ATP2B1: variants seen among roughly 807,000 people sequenced by gnomAD.
ATP2B1 encodes the protein ATPase plasma membrane Ca2+ transporting 1.
Under a neutral mutation model 124.2 loss-of-function variants are expected in ATP2B1, and 14 were observed. That is an observed-to-expected ratio of 0.11 (90% CI 0.07 to 0.18). The LOEUF (loss-of-function observed/expected upper bound fraction) is 0.18. ATP2B1 is among the 10% of genes least tolerant of loss of function. ATP2B1 has a pLI of 1.00. For synonymous variants in ATP2B1, 449 were observed against 492.4 expected, an observed-to-expected ratio of 0.91 and a Z score of 1.17; for missense variants, 763 against 1,466.1, an observed-to-expected ratio of 0.52 and a Z score of 7.83.
intron 19 of ATP2B1, 69 bp from the exon 20 acceptor site, chr12:89,599,368 C>CCTTTAGTAT: frequency 2.0e-6 from 3 of 1,512,280 alleles, no homozygotes; most frequent in Non-Finnish European, 2.7e-6. Flanking sequence ...AACTGTAATA[C>CCTTTAGTAT]TAAAGGTATT....
In ATP2B1 at chr12:89,603,247, C is replaced by T; in HGVS notation, c.2856G>A (p.Lys952=). 1 of 1,598,238 alleles carries T rather than the reference C, an allele frequency of 6.3e-7. No homozygotes were observed. Among genetic ancestry groups the T allele is most frequent in the Non-Finnish European group, 8.5e-7 (1 of 1,173,330 alleles). ...TTCTTCCACTATCAATGTCAAAAAACTTTTCTCCTGAAAGAATGAAAAATG... is the reference window on the plus strand; with the variant it reads ...TTCTTCCACTATCAATGTCAAAAAATTTTTCTCCTGAAAGAATGAAAAATG... The part of the protein sequence containing the change: ...VVFTLLFAGE[K]FFDIDSGRNA... The change falls in exon 18 of 21, where the codon AAG becomes AAA. Residue 952 remains lysine (K), a synonymous_variant. Transcript: ENST00000428670. The surrounding 1 kb of genome is among the most constrained non-coding windows in gnomAD (Gnocchi z 4.3).
chr12:89,621,935 G>T, intron 9 of ATP2B1, 144 bp from the exon 10 acceptor site: 4 of 849,980 alleles, frequency 4.7e-6, no homozygotes, highest in East Asian at 3.4e-5. Context: ...ATGTAATACT[G>T]AAATTTTTTT....
Position 89,635,970 on chromosome 12 carries a change from GATA to G in ATP2B1, c.407-722_407-720del, listed in dbSNP as rs574252041. 1.6e-4 allele frequency among the ~76,000 whole-genome samples: 24 copies of G among 152,180 alleles called. No individual in the cohort carries two copies. The South Asian group carries it at 5.0e-3, about 32-fold the overall frequency. On this transcript the variant is annotated intron_variant, in intron 3 of 20. Transcript: ENST00000428670. ...CTGGGGACGGTATATGAAGAATTCA[GATA>G]ATAATACACAAATAATTAATTTCAC...
rs1167885492 is a variant in ATP2B1 at position 89,690,079 on chromosome 12, T to C, written c.-222+18517A>G. On this transcript the variant is annotated intron_variant, in intron 1 of 20. Transcript: ENST00000428670. ...TTCTTTGTGGTAAGCTTTTACTGAA[T>C]AGCTAAGATACTCTAAACTCTGTCC... Among the ~76,000 whole-genome samples the C allele has an allele frequency of 4.6e-5, 7 of 152,184 alleles. No homozygotes were observed. In the East Asian group the frequency reaches 1.2e-3, roughly 25 times the overall value.
intron 7 of ATP2B1, among the ~76,000 whole-genome samples, chr12:89,627,186 A>G (rs1881022758): frequency 6.6e-6 from 1 of 152,154 alleles, no homozygotes; most frequent in African/African-American, 2.4e-5. Flanking sequence ...GAGCACTGAC[A>G]TGACACAAGT....
chr12:89,664,543 GAACA>G (rs1366988133), intron 1 of ATP2B1, among the ~76,000 whole-genome samples: 3 of 152,166 alleles, frequency 2.0e-5, no homozygotes, highest in African/African-American at 2.4e-5. Flanking sequence ...ACCAAAACCA[GAACA>G]AACTTAAAAG....
rs1359080429 is a variant in ATP2B1 at position 89,619,987 on chromosome 12, T to G, written c.1829+12A>C. ...AGTCAGCAATTTATTCATCCAAGCA[T>G]TTTACTCTTACTTTTTCAGAATTAT... is the stretch of plus-strand genomic sequence containing the variant. On this transcript the variant is annotated intron_variant, in intron 11 of 20. Transcript: ENST00000428670. 4.3e-6 allele frequency: 7 copies of G among 1,612,494 alleles called. No homozygotes were observed. The African/African-American group carries it at 9.3e-5, about 22-fold the overall frequency.
chr12:89,591,265 A>G lies in ATP2B1; in HGVS notation c.3382T>C (p.Leu1128=). Residue 1128 remains leucine (L), a synonymous_variant, in exon 21 of 21, where the codon TTA becomes CTA. Transcript: ENST00000428670. The stretch of plus-strand genomic sequence containing the variant: ...TCCGGTTTTTCTAACCCTTCATATA[A>G]AGAACTACGAAATGCATTCACCACT... The part of the protein sequence containing the change: ...IRVVNAFRSS[L]YEGLEKPESR... 6.2e-7 allele frequency: 1 copy of G among 1,611,102 alleles called. No individual in the cohort carries two copies. Among genetic ancestry groups the G allele is most frequent in the Non-Finnish European group, 8.5e-7 (1 of 1,178,198 alleles).
intron 1 of ATP2B1, among the ~76,000 whole-genome samples, chr12:89,676,820 C>T (rs542172968): frequency 6.6e-6 from 1 of 152,230 alleles, no homozygotes; most frequent in Admixed American, 6.5e-5. Context: ...ACTTATCCTT[C>T]TAAATTCTCA....
intron 1 of ATP2B1, among the ~76,000 whole-genome samples, chr12:89,677,794 C>T (rs1057214496): frequency 4.0e-5 from 6 of 151,578 alleles, no homozygotes; most frequent in African/African-American, 1.2e-4. Flanking sequence ...TATGTTCATC[C>T]TTTTCACTCT....
intron 2 of ATP2B1, among the ~76,000 whole-genome samples, chr12:89,649,638 T>C (rs1189465067): frequency 6.6e-6 from 1 of 152,186 alleles, no homozygotes; most frequent in Non-Finnish European, 1.5e-5. Flanking sequence ...AGTTAAAACT[T>C]TGGGACACTG....
chr12:89,658,869 A>C (rs962676894), intron 1 of ATP2B1, among the ~76,000 whole-genome samples: 5 of 152,216 alleles, frequency 3.3e-5, no homozygotes, highest in Admixed American at 3.3e-4. Flanking sequence ...AAGAAAAGGA[A>C]GCCCAGACAA....
chr12:89,658,360 A>G (rs538541373), intron 1 of ATP2B1, among the ~76,000 whole-genome samples: 4 of 152,266 alleles, frequency 2.6e-5, no homozygotes, highest in Admixed American at 1.3e-4. Context: ...GGGGAGCCAG[A>G]TAACTGGAGG....
intron 15 of ATP2B1, among the ~76,000 whole-genome samples, chr12:89,606,762 G>A (rs1876975853): frequency 6.6e-6 from 1 of 151,842 alleles, no homozygotes; most frequent in Non-Finnish European, 1.5e-5. Flanking sequence ...GTAGAGACAG[G>A]ATTTTAATAT....
chr12:89,643,083 C>T (rs1183395573), intron 2 of ATP2B1, among the ~76,000 whole-genome samples: 1 of 151,072 alleles, frequency 6.6e-6, no homozygotes, highest in Non-Finnish European at 1.5e-5. Flanking sequence ...CACACACACA[C>T]ACACACACAT....
intron 6 of ATP2B1, among the ~76,000 whole-genome samples, chr12:89,629,442 G>C (rs1399012246): frequency 6.6e-6 from 1 of 152,134 alleles, no homozygotes; most frequent in African/African-American, 2.4e-5. Flanking sequence ...GAAACGTATG[G>C]AAGCACATTG....
At chr12:89,699,821 G>A (rs1891611776) in intron 1 of ATP2B1, among the ~76,000 whole-genome samples, 1 of 152,060 alleles carries the variant, frequency 6.6e-6, no homozygotes, top group Non-Finnish European at 1.5e-5. Flanking sequence ...CATAAAAACA[G>A]TAGTGCTTAA....
intron 1 of ATP2B1, among the ~76,000 whole-genome samples, chr12:89,678,884 T>C (rs78680433): frequency 2.0e-5 from 3 of 152,176 alleles, no homozygotes; most frequent in African/African-American, 7.2e-5. Context: ...GCATCCACAG[T>C]GTTCGTAAAG....
At chr12:89,654,803 T>A (rs1337917209) in intron 2 of ATP2B1, among the ~76,000 whole-genome samples, 1 of 152,174 alleles carries the variant, frequency 6.6e-6, no homozygotes, top group African/African-American at 2.4e-5. Context: ...GAATTAGCTT[T>A]GGAATATATA....
Sources: gnomAD v4.1 joint callset for allele counts (sites outside exome capture counted in the v4.1 genomes callset) on GRCh38, gnomAD v4.1.1 for gene constraint, Gnocchi (gnomAD v3.1) non-coding constraint, MANE v1.5 for transcripts, NCBI Gene and HGNC (gene_info 2026-07-23, HGNC 2026-07-21) for gene names.